Variants in DOP1B observed in about 807,000 individuals in gnomAD.
DOP1B encodes the protein DOP1 leucine zipper like protein B.
DOP1B carries 174 observed loss-of-function variants against 233.5 expected under a neutral mutation model. That is an observed-to-expected ratio of 0.75 (90% CI 0.66 to 0.85). DOP1B has a LOEUF of 0.85. Among genes scored for constraint, DOP1B ranks in the 40% least tolerant of loss-of-function variants. DOP1B has a pLI of 0.00. For synonymous variants in DOP1B, 1,190 were observed against 1,185.6 expected (o/e 1.00, Z -0.08); for missense variants, 2,652 against 2,846.6 (o/e 0.93, Z 1.56).
At chr21:36,192,322 G>GCACTC (rs113970257) in intron 2 of DOP1B, among the ~76,000 whole-genome samples, 239 of 150,794 alleles carry the variant, frequency 1.6e-3, no homozygotes, top group African/African-American at 5.6e-3. Context: ...TCACACCACT[G>GCACTC]CACTCCACTG....
chr21:36,227,227 TAAATA>T (rs1188600539), intron 12 of DOP1B, among the ~76,000 whole-genome samples: 46 of 143,234 alleles, frequency 3.2e-4, no homozygotes, highest in East Asian at 4.2e-4. Context: ...AATAAATAAA[TAAATA>T]AAATAAAATA....
At chr21:36,187,110 G>T (rs1051641063) in intron 2 of DOP1B, among the ~76,000 whole-genome samples, 1 of 151,284 alleles carries the variant, frequency 6.6e-6, no homozygotes, top group African/African-American at 2.4e-5. Flanking sequence ...CCCAGCAGAC[G>T]GTGAGTGGGT....
chr21:36,230,707 C>T lies in DOP1B; in HGVS notation c.1923C>T (p.Asn641=). ...QELIANFASK[N]IFGVQLTASG... is the part of the protein sequence containing the mutation. ...TAATCGCCAACTTTGCCAGCAAGAA[C>T]ATTTTTGGAGTACAGCTGACAGCGT... The change falls in exon 14 of 37, where the codon AAC becomes AAT. Residue 641 remains asparagine (N), a synonymous_variant. Coordinates refer to ENST00000691173, the MANE Select transcript of DOP1B (RefSeq NM_001320714.2). 1.2e-6 allele frequency: 2 copies of T among 1,614,188 alleles called. No homozygotes were observed. Among genetic ancestry groups the T allele is most frequent in the African/African-American group, 1.3e-5 (1 of 75,038 alleles).
At position 36,245,880 on chromosome 21, in the gene DOP1B, C is replaced by G. The variant is rs1384214546; in HGVS notation, c.3900C>G (p.Thr1300=). 6.2e-7 allele frequency: 1 copy of G among 1,613,812 alleles called. No homozygotes were observed. Among genetic ancestry groups the G allele is most frequent in the South Asian group, 1.1e-5 (1 of 91,068 alleles). The change falls in exon 19 of 37, where the codon ACC becomes ACG. Residue 1300 remains threonine, a synonymous_variant. Transcript: ENST00000691173. This position sits in a 1 kb window ranked among gnomAD's most constrained non-coding sequence, Gnocchi z 5.5. ...AGAGTTTCTACGGAAAGCTCCAGAC[C>G]CAGGTCCCCAACGTGTGCCCCCACT... ...IGQSFYGKLQ[T]QVPNVCPHSL...
Position 36,208,713 on chromosome 21 carries a change from A to G in DOP1B, c.492-2A>G. 1.2e-6 allele frequency: 2 copies of G among 1,612,548 alleles called. No homozygotes were observed. The highest frequency in any genetic ancestry group is 1.7e-6 in the Non-Finnish European group (2 of 1,179,294). ...TTGAACCCTATCCTCTCTCATCAAC[A>G]GAACGGATGCTCTGCTCCTGAGACT... On this transcript the variant is annotated splice_acceptor_variant, in intron 4 of 36. Transcript: ENST00000691173. LOFTEE classifies it high-confidence loss of function.
chr21:36,181,436 G>A (rs947707041), intron 2 of DOP1B, among the ~76,000 whole-genome samples: 8 of 152,042 alleles, frequency 5.3e-5, no homozygotes, highest in Admixed American at 3.9e-4. Context: ...GTGCCACCAC[G>A]CCCGGCTAAT....
In DOP1B at chr21:36,230,439, A is replaced by G. The variant is rs1231515056; in HGVS notation, c.1666-11A>G. The G allele has an allele frequency of 6.3e-7, 1 of 1,591,252 alleles. No individual in the cohort carries two copies. The highest frequency in any genetic ancestry group is 1.1e-5 in the South Asian group (1 of 89,798). ...AGAGATGCACAATTCACATCTTTTT[A>G]TTTTTTACAGAGTCCAGTAAAAGGT... On this transcript the variant is annotated splice_polypyrimidine_tract_variant and intron_variant, in intron 13 of 36. Coordinates refer to ENST00000691173, the MANE Select transcript of DOP1B (RefSeq NM_001320714.2).
chr21:36,199,255 C>G lies in DOP1B; in HGVS notation c.320+4C>G. ...CCAAGGACTTGTTTCTGTACAGGTG[C>G]GATTGCTTCTCTGCTGTGTTCCTTT... On this transcript the variant is annotated splice_donor_region_variant and intron_variant, in intron 3 of 36. Coordinates refer to ENST00000691173, the MANE Select transcript of DOP1B (RefSeq NM_001320714.2). 1 of 1,610,424 alleles carries G rather than the reference C, an allele frequency of 6.2e-7. No individual in the cohort carries two copies. The highest frequency in any genetic ancestry group is 8.5e-7 in the Non-Finnish European group (1 of 1,178,476).
chr21:36,196,226 A>G (rs996994126), intron 2 of DOP1B, among the ~76,000 whole-genome samples: 1 of 152,246 alleles, frequency 6.6e-6, no homozygotes, highest in South Asian at 2.1e-4. Flanking sequence ...GACAAAAATA[A>G]TGGTACAGGT....
intron 13 of DOP1B, among the ~76,000 whole-genome samples, chr21:36,230,044 C>T (rs376334136): frequency 9.2e-5 from 14 of 152,174 alleles, no homozygotes; most frequent in East Asian, 7.7e-4. Context: ...AAACAGTTCT[C>T]GCTCTGTTGT....
intron 4 of DOP1B, among the ~76,000 whole-genome samples, chr21:36,208,464 CT>C (rs1313244051): frequency 5.9e-5 from 9 of 152,220 alleles, no homozygotes; most frequent in African/African-American, 1.7e-4. Context: ...TGCTTAGCCA[CT>C]TTCCATTGGC....
intron 33 of DOP1B, 67 bp downstream of exon 33, chr21:36,288,217 A>AAT: frequency 6.8e-7 from 1 of 1,472,214 alleles, no homozygotes; most frequent in African/African-American, 1.4e-5. Flanking sequence ...TCAGTAACAT[A>AAT]ACGTACTATT....
rs368089303 is a variant in DOP1B, at chr21:36,227,068, T to C, written c.1474-618T>C. Among the ~76,000 whole-genome samples the C allele has an allele frequency of 7.2e-4, 105 of 145,758 alleles. 1 individual carries two copies. The highest frequency in any genetic ancestry group is 5.5e-3 in the East Asian group (26 of 4,752). On this transcript the variant is annotated intron_variant, in intron 12 of 36. Coordinates refer to ENST00000691173, the MANE Select transcript of DOP1B (RefSeq NM_001320714.2). ...AAAAAAATACAAAAAGTTAGCCGGG[T>C]GTGGTGGCGGGCGCCTGTAGTCCCA...
At chr21:36,223,751 G>A (rs1569031463) in intron 11 of DOP1B, among the ~76,000 whole-genome samples, 1 of 152,128 alleles carries the variant, frequency 6.6e-6, no homozygotes, top group Non-Finnish European at 1.5e-5. Context: ...TAACTGGTCA[G>A]ATAAAAGCAT....
chr21:36,169,524 T>C, intron 2 of DOP1B: 1 of 1,122,194 alleles, frequency 8.9e-7, no homozygotes. Flanking sequence ...GTCACCCCGA[T>C]GATGTCGATC....
intron 4 of DOP1B, among the ~76,000 whole-genome samples, chr21:36,202,709 GAGA>G (rs545672166): frequency 2.1e-3 from 322 of 152,292 alleles, no homozygotes; most frequent in African/African-American, 7.2e-3. Context: ...TTTCCCAAAG[GAGA>G]ATCCACCTTT....
intron 14 of DOP1B, among the ~76,000 whole-genome samples, chr21:36,231,549 C>G (rs1384882123): frequency 6.6e-6 from 1 of 152,098 alleles, no homozygotes; most frequent in Admixed American, 6.6e-5. Flanking sequence ...AGGGTGGGGC[C>G]TATGTTTTTA....
At chr21:36,167,679 C>T (rs892734640) in intron 2 of DOP1B, among the ~76,000 whole-genome samples, 2 of 152,086 alleles carry the variant, frequency 1.3e-5, no homozygotes, top group African/African-American at 4.8e-5. Flanking sequence ...AAAGGAAACC[C>T]GTACCCATTC....
intron 30 of DOP1B, 136 bp downstream of exon 30, chr21:36,278,491 G>A (rs1302404242): frequency 1.2e-6 from 1 of 845,310 alleles, no homozygotes; most frequent in African/African-American, 1.7e-5. Context: ...CCCTGTCACA[G>A]GCTCGCATGT....
Sources: allele counts gnomAD v4.1 joint callset (sites outside exome capture counted in the v4.1 genomes callset), GRCh38; gene constraint gnomAD v4.1.1; non-coding constraint Gnocchi (gnomAD v3.1); transcripts MANE v1.5; gene names NCBI Gene and HGNC (gene_info 2026-07-23, HGNC 2026-07-21).